FZD3: variants seen among roughly 807,000 people sequenced by gnomAD.
The protein encoded by FZD3 is frizzled class receptor 3.
Under a neutral mutation model 60.7 loss-of-function variants are expected in FZD3, and 30 were observed. The ratio of observed to expected loss-of-function variants is 0.49; its 90% CI spans 0.37 to 0.67. The LOEUF (loss-of-function observed/expected upper bound fraction) is 0.67. Ranked by LOEUF, FZD3 falls within the 30% of genes least tolerant of loss-of-function variation. FZD3 has a pLI of 0.00. For missense variants in FZD3, 605 were observed against 838.7 expected, an observed-to-expected ratio of 0.72 and a Z score of 3.44; for synonymous variants, 246 against 275.2, an observed-to-expected ratio of 0.89 and a Z score of 1.05.
rs78890319 is a variant in FZD3, at chr8:28,540,258, C to A, written c.1405-11345C>A. 2.7e-3 allele frequency among the ~76,000 whole-genome samples: 413 copies of A among 152,266 alleles called. 2 individuals are homozygous for A. The highest frequency in any genetic ancestry group is 9.6e-3 in the African/African-American group (398 of 41,548). The stretch of plus-strand genomic sequence containing the variant: ...AGTTTTGTTTTTTCTGAGACAGAGT[C>A]TCGCTCTGTTACCCAGGCTGGAGTG... On this transcript the variant is annotated intron_variant, in intron 5 of 7. Coordinates refer to ENST00000240093, the MANE Select transcript of FZD3 (RefSeq NM_017412.4).
chr8:28,505,895 G>A (rs1804127219), intron 3 of FZD3, among the ~76,000 whole-genome samples: 1 of 152,186 alleles, frequency 6.6e-6, no homozygotes, highest in Admixed American at 6.5e-5. Context: ...AGAAAAGAAG[G>A]TTCTTGCTAA....
intron 3 of FZD3, among the ~76,000 whole-genome samples, chr8:28,509,323 C>T (rs1368928602): frequency 6.6e-6 from 1 of 151,532 alleles, no homozygotes; most frequent in Non-Finnish European, 1.5e-5. Flanking sequence ...TTAAATATAA[C>T]ACTTATATAA....
At chr8:28,522,097 C>G (rs1320805882) in intron 4 of FZD3, among the ~76,000 whole-genome samples, 3 of 149,566 alleles carry the variant, frequency 2.0e-5, no homozygotes, top group African/African-American at 7.4e-5. Flanking sequence ...GTTTTCTTTT[C>G]TCTTCTCTTT....
At chr8:28,549,369 C>A (rs898340333) in intron 5 of FZD3, among the ~76,000 whole-genome samples, 1 of 152,100 alleles carries the variant, frequency 6.6e-6, no homozygotes, top group Non-Finnish European at 1.5e-5. Flanking sequence ...GAAGAATTTT[C>A]TTTCTTATAT....
At chr8:28,523,946 C>T (rs1804650510) in intron 4 of FZD3, among the ~76,000 whole-genome samples, 1 of 152,062 alleles carries the variant, frequency 6.6e-6, no homozygotes, top group Admixed American at 6.6e-5. Context: ...GAGTTTGGCC[C>T]CTTTTCCTCC....
chr8:28,522,056 T>C (rs920606115), intron 4 of FZD3, among the ~76,000 whole-genome samples: 8 of 152,102 alleles, frequency 5.3e-5, no homozygotes, highest in African/African-American at 1.9e-4. Flanking sequence ...TATGTGACTT[T>C]AAGCACAGTG....
At chr8:28,501,784 T>G (rs1158689948) in intron 2 of FZD3, among the ~76,000 whole-genome samples, 1 of 152,236 alleles carries the variant, frequency 6.6e-6, no homozygotes, top group African/African-American at 2.4e-5. Flanking sequence ...TTCCTGTGAC[T>G]TTTTAGGGAT....
chr8:28,541,808 C>T (rs571752958), intron 5 of FZD3, among the ~76,000 whole-genome samples: 2 of 152,332 alleles, frequency 1.3e-5, no homozygotes, highest in African/African-American at 4.8e-5. Context: ...GCATCATTAT[C>T]CGCTAGTTGT....
chr8:28,510,679 A>G (rs780552827), intron 3 of FZD3, among the ~76,000 whole-genome samples: 1 of 152,210 alleles, frequency 6.6e-6, no homozygotes, highest in Non-Finnish European at 1.5e-5. Context: ...TATAATATCC[A>G]TGTGCCATCA....
intron 7 of FZD3, among the ~76,000 whole-genome samples, chr8:28,559,173 G>C (rs1805570171): frequency 6.6e-6 from 1 of 152,196 alleles, no homozygotes; most frequent in Non-Finnish European, 1.5e-5. Flanking sequence ...TCTGAATAGA[G>C]CTGTAGCTTA....
Position 28,518,015 on chromosome 8 carries a change from C to T in FZD3, c.190-2623C>T, listed in dbSNP as rs563529809. ...GATTAATCCTCTTTTCTGCTTAGCA[C>T]ATAAATGCAATTAGCACTTTATTTT... On this transcript the variant is annotated intron_variant, in intron 3 of 7. Transcript: ENST00000240093. 5.9e-5 allele frequency among the ~76,000 whole-genome samples: 9 copies of T among 152,230 alleles called. No individual in the cohort carries two copies. In the South Asian group the frequency reaches 1.9e-3, roughly 32 times the overall value.
chr8:28,501,158 G>A (rs973908888), intron 2 of FZD3, among the ~76,000 whole-genome samples: 1 of 152,204 alleles, frequency 6.6e-6, no homozygotes, highest in Non-Finnish European at 1.5e-5. Context: ...TGTAGAACAT[G>A]AGGCGCTTTA....
intron 3 of FZD3, among the ~76,000 whole-genome samples, chr8:28,518,570 CTCTT>C (rs1804493531): frequency 1.3e-5 from 2 of 152,218 alleles, no homozygotes; most frequent in African/African-American, 4.8e-5. Context: ...CTACTCTGTT[CTCTT>C]TCTGCTTAGC....
intron 1 of FZD3, among the ~76,000 whole-genome samples, chr8:28,496,926 A>G (rs1326369271): frequency 1.3e-5 from 2 of 151,618 alleles, no homozygotes; most frequent in African/African-American, 4.9e-5. Context: ...GGGGCTTGGT[A>G]TTAGAGAATT....
intron 2 of FZD3, among the ~76,000 whole-genome samples, chr8:28,500,987 C>G (rs1803973981): frequency 6.6e-6 from 1 of 152,188 alleles, no homozygotes; most frequent in Non-Finnish European, 1.5e-5. Context: ...GTCTTGAACT[C>G]CTGACCTCGT....
Position 28,499,547 on chromosome 8 carries a change from A to C in FZD3, c.-390-386A>C, listed in dbSNP as rs375216364. On this transcript the variant is annotated intron_variant, in intron 1 of 7. Coordinates refer to ENST00000240093, the MANE Select transcript of FZD3 (RefSeq NM_017412.4). ...TTAGAATAATAAGATTTGCTGGATG[A>C]AATTGTGTACATTTTAAGGGCTTTT... Among the ~76,000 whole-genome samples the C allele has an allele frequency of 2.1e-4, 32 of 152,284 alleles. 1 individual carries two copies. In the East Asian group the frequency reaches 3.5e-3, roughly 17 times the overall value.
rs1805843525 is a variant in FZD3, at chr8:28,573,587, T to G, written c.*10576T>G. The stretch of plus-strand genomic sequence containing the variant: ...TCCTGTTTTTTAAGTTCAAGCGCAA[T>G]GCCTGAAGCATCCTAGATCTCCTTC... On this transcript the variant is annotated 3_prime_UTR_variant, in exon 8 of 8. Transcript: ENST00000240093. 6.6e-6 allele frequency: 1 copy of G among 150,826 alleles called. No homozygotes were observed. The highest frequency in any genetic ancestry group is 1.5e-5 in the Non-Finnish European group (1 of 67,726). The allele number at this position is 150,826 out of a possible 1,614,324, so 9.3% of individuals were successfully genotyped here. A position where few individuals can be genotyped will look rare whatever the true frequency, so the allele number is the denominator to read the frequency against.
intron 3 of FZD3, among the ~76,000 whole-genome samples, chr8:28,506,556 C>T (rs1301333754): frequency 6.6e-6 from 1 of 152,054 alleles, no homozygotes; most frequent in Non-Finnish European, 1.5e-5. Context: ...GCTTGCCCCT[C>T]CCCACCCCAT....
intron 5 of FZD3, among the ~76,000 whole-genome samples, chr8:28,534,929 G>C (rs1804971033): frequency 6.6e-6 from 1 of 152,074 alleles, no homozygotes; most frequent in Non-Finnish European, 1.5e-5. Context: ...TTCCTAATAA[G>C]AAGTTTTTTA....
Sources: gnomAD v4.1 joint callset for allele counts (sites outside exome capture counted in the v4.1 genomes callset) on GRCh38, gnomAD v4.1.1 for gene constraint, MANE v1.5 for transcripts, NCBI Gene and HGNC (gene_info 2026-07-23, HGNC 2026-07-21) for gene names.